DAB1: variants seen among roughly 807,000 people sequenced by gnomAD.
DAB1 encodes the protein disabled homolog 1.
Under a neutral mutation model 64.6 loss-of-function variants are expected in DAB1, and 15 were observed. The ratio of observed to expected loss-of-function variants is 0.23; its 90% CI spans 0.16 to 0.36. DAB1 has a LOEUF of 0.36. Ranked by LOEUF, DAB1 falls within the 10% of genes least tolerant of loss-of-function variation. The pLI is 1.00. For missense variants in DAB1, 596 were observed against 706.7 expected, an observed-to-expected ratio of 0.84 and a Z score of 1.78; for synonymous variants, 235 against 251.9, an observed-to-expected ratio of 0.93 and a Z score of 0.64.
chr1:57,901,940 AAAAC>A lies in DAB1; in HGVS notation n.388-17782_388-17779del, dbSNP rs200239183. The stretch of plus-strand genomic sequence containing the variant: ...AGCTAGTAAAACATTCTTTGTATTA[AAAAC>A]AAACAAACAAACAAACACGCGGGCA... On this transcript the variant is annotated intron_variant and non_coding_transcript_variant, in intron 5 of 20. Coordinates refer to the DAB1 transcript ENST00000485760. 5.9e-3 allele frequency among the ~76,000 whole-genome samples: 901 copies of A among 152,102 alleles called. 10 individuals carry two copies. The highest frequency in any genetic ancestry group is 0.02 in the African/African-American group (849 of 41,522).
At chr1:57,596,950 T>G (rs990134087) in intron 7 of DAB1, among the ~76,000 whole-genome samples, 13 of 152,228 alleles carry the variant, frequency 8.5e-5, no homozygotes, top group Non-Finnish European at 1.6e-4. Context: ...CCTAACCATT[T>G]TTTTGCTGGC....
downstream of DAB1, among the ~76,000 whole-genome samples, chr1:57,825,706 T>C (rs1242980544): frequency 2.0e-5 from 3 of 152,218 alleles, no homozygotes; most frequent in African/African-American, 7.2e-5. Context: ...TAAATGACTA[T>C]ATGATCTCAA....
chr1:57,456,876 C>G (rs969049322), intron 7 of DAB1, among the ~76,000 whole-genome samples: 1 of 152,068 alleles, frequency 6.6e-6, no homozygotes, highest in Admixed American at 6.6e-5. Context: ...AAACTGGACC[C>G]ATTTTTGAAA....
chr1:57,801,656 A>T (rs1449474398), intron 6 of DAB1, among the ~76,000 whole-genome samples: 1 of 150,788 alleles, frequency 6.6e-6, no homozygotes, highest in South Asian at 2.1e-4. Context: ...GAATTTTTTT[A>T]TTTTTTTTTA....
intron 5 of DAB1, chr1:58,048,032 T>C (rs1158821248): frequency 3.0e-6 from 2 of 659,946 alleles, no homozygotes; most frequent in African/African-American, 3.6e-5. Context: ...CCCATATACA[T>C]GAGTATTTGT....
chr1:58,166,287 A>G (rs1022896252), intron 4 of DAB1, among the ~76,000 whole-genome samples: 2 of 152,158 alleles, frequency 1.3e-5, no homozygotes, highest in Non-Finnish European at 2.9e-5. Context: ...TCGCCACCCC[A>G]AAAAGATGCC....
intron 4 of DAB1, among the ~76,000 whole-genome samples, chr1:58,217,000 G>C (rs1417826027): frequency 6.6e-6 from 1 of 152,062 alleles, no homozygotes; most frequent in Non-Finnish European, 1.5e-5. Context: ...ATGCTTTCAG[G>C]GCTCCCAAAA....
chr1:57,746,058 T>G (rs1320457284), intron 6 of DAB1, among the ~76,000 whole-genome samples: 2 of 152,176 alleles, frequency 1.3e-5, no homozygotes, highest in African/African-American at 4.8e-5. Context: ...TCTCATTATG[T>G]AAACACTTTA....
At chr1:58,434,610 T>C (rs1042549590) in intron 3 of DAB1, among the ~76,000 whole-genome samples, 1 of 152,114 alleles carries the variant, frequency 6.6e-6, no homozygotes, top group Non-Finnish European at 1.5e-5. Context: ...AGACATAAAT[T>C]TGGGATTTAT....
At chr1:57,543,200 T>C (rs2101455108) in intron 7 of DAB1, among the ~76,000 whole-genome samples, 1 of 152,306 alleles carries the variant, frequency 6.6e-6, no homozygotes, top group South Asian at 2.1e-4. Flanking sequence ...GTTTTCTACC[T>C]AGGAATAGAT....
intron 2 of DAB1, among the ~76,000 whole-genome samples, chr1:57,246,156 G>C (rs953341725): frequency 5.3e-5 from 8 of 152,174 alleles, no homozygotes; most frequent in Non-Finnish European, 1.0e-4. Flanking sequence ...ATGATAATGG[G>C]GAAAATGTCT....
intron 3 of DAB1, among the ~76,000 whole-genome samples, chr1:58,383,753 G>A (rs1335707498): frequency 6.6e-6 from 1 of 152,054 alleles, no homozygotes; most frequent in African/African-American, 2.4e-5. Context: ...TCTACCTCTA[G>A]GTTAAAATTA....
Position 58,300,404 on chromosome 1 carries a change from A to T in DAB1, n.309+42948T>A, listed in dbSNP as rs186603763. ...CTACTGAAAATACAAAAAATTAGCCAGGCGTAGTGGCGGGTGCCTGTAATC... is the reference window on the plus strand; with the variant it reads ...CTACTGAAAATACAAAAAATTAGCCTGGCGTAGTGGCGGGTGCCTGTAATC... On this transcript the variant is annotated intron_variant and non_coding_transcript_variant, in intron 4 of 20. Transcript: ENST00000485760. Among the ~76,000 whole-genome samples, 244 of 151,752 alleles carry T rather than the reference A, an allele frequency of 1.6e-3. 1 individual carries two copies. Among genetic ancestry groups the T allele is most frequent in the African/African-American group, 5.6e-3 (232 of 41,380 alleles).
chr1:57,302,035 G>T (rs1048853988), intron 1 of DAB1, among the ~76,000 whole-genome samples: 1 of 152,052 alleles, frequency 6.6e-6, no homozygotes, highest in Admixed American at 6.6e-5. Flanking sequence ...GACAAAAAGG[G>T]CTATCATCTT....
chr1:58,100,441 C>T (rs1651246516), intron 5 of DAB1, among the ~76,000 whole-genome samples: 1 of 152,090 alleles, frequency 6.6e-6, no homozygotes, highest in African/African-American at 2.4e-5. Flanking sequence ...ACCTGTACTA[C>T]ATTTTGTTTA....
chr1:57,725,806 C>T (rs150733640), intron 6 of DAB1, among the ~76,000 whole-genome samples: 4,191 of 151,618 alleles, frequency 0.028, 207 homozygotes, highest in African/African-American at 0.097. Flanking sequence ...GGCTGGAGTG[C>T]GGTGGCGCGA....
chr1:57,415,717 T>C (rs1684443800), intron 1 of DAB1, among the ~76,000 whole-genome samples: 1 of 152,102 alleles, frequency 6.6e-6, no homozygotes, highest in Admixed American at 6.6e-5. Flanking sequence ...CTTTCGTGAG[T>C]AGACATATAA....
chr1:57,680,305 T>C, intron 6 of DAB1, among the ~76,000 whole-genome samples: 1 of 152,342 alleles, frequency 6.6e-6, no homozygotes, highest in South Asian at 2.1e-4. Flanking sequence ...CTACTGCTGT[T>C]ATAACAAATT....
chr1:58,386,762 T>TA (rs1466739772), intron 3 of DAB1, among the ~76,000 whole-genome samples: 1 of 152,136 alleles, frequency 6.6e-6, no homozygotes, highest in East Asian at 1.9e-4. Flanking sequence ...ATAACACAGA[T>TA]AAAAGTGTTT....
Sources: gnomAD v4.1 joint callset for allele counts (sites outside exome capture counted in the v4.1 genomes callset) on GRCh38, gnomAD v4.1.1 for gene constraint, MANE v1.5 for transcripts, NCBI Gene and HGNC (gene_info 2026-07-23, HGNC 2026-07-21) for gene names.